TCF7L2: variants seen among roughly 807,000 people sequenced by gnomAD.
TCF7L2 encodes the protein transcription factor 7 like 2, also known as transcription factor 7-like 2.
A neutral mutation model predicts 77.9 loss-of-function variants in TCF7L2; 23 were observed. The ratio of observed to expected loss-of-function variants is 0.30; its 90% CI spans 0.21 to 0.42. TCF7L2 has a LOEUF of 0.42. Ranked by LOEUF, TCF7L2 falls within the 10% of genes least tolerant of loss-of-function variation. The probability of loss-of-function intolerance (pLI) is 1.00; values close to 1 mark genes in which losing one functional copy is unlikely to be tolerated. For missense variants in TCF7L2, 654 were observed against 793.1 expected (o/e 0.82, Z 2.11); for synonymous variants, 413 against 340.2 (o/e 1.21, Z -2.36).
chr10:113,082,753 C>T (rs1199865911), intron 5 of TCF7L2, among the ~76,000 whole-genome samples: 1 of 152,046 alleles, frequency 6.6e-6, no homozygotes, highest in African/African-American at 2.4e-5. Flanking sequence ...AGTCAAGGTC[C>T]TAACAAACCC....
intron 8 of TCF7L2, among the ~76,000 whole-genome samples, chr10:113,149,636 C>T (rs551876192): frequency 6.6e-6 from 1 of 152,308 alleles, no homozygotes; most frequent in Admixed American, 6.5e-5. Context: ...TAAATACATA[C>T]AGAATCATTT....
chr10:112,955,048 A>G (rs1416095448), intron 3 of TCF7L2, among the ~76,000 whole-genome samples: 1 of 152,104 alleles, frequency 6.6e-6, no homozygotes, highest in East Asian at 1.9e-4. Context: ...AAAGATTTAG[A>G]CCTTGGAGTG....
At chr10:113,051,593 A>G (rs968987516) in intron 5 of TCF7L2, among the ~76,000 whole-genome samples, 1 of 152,216 alleles carries the variant, frequency 6.6e-6, no homozygotes, top group Non-Finnish European at 1.5e-5. Flanking sequence ...CTTTAAGAAC[A>G]GGTTGGTTTG....
At position 113,164,583 on chromosome 10, in the gene TCF7L2, A is replaced by C. The variant is rs529863591; in HGVS notation, c.1392-972A>C. Among the ~76,000 whole-genome samples, 410 of 142,008 alleles carry C rather than the reference A, an allele frequency of 2.9e-3. 2 individuals are homozygous for C. The highest frequency in any genetic ancestry group is 9.8e-3 in the African/African-American group (394 of 40,112). 93.2% of individuals were successfully genotyped at this position (142,008 alleles called of 152,430 possible). On this transcript the variant is annotated intron_variant, in intron 13 of 13. Coordinates refer to ENST00000627217, the MANE Select transcript of TCF7L2 (RefSeq NM_001146274.2). Reference sequence around the variant, plus strand: ...TCTCACTACGGGGTGGGGGAGGGGAAAGCCCCAAATCTTAAAAAAAAAAAA... The same window carrying C: ...TCTCACTACGGGGTGGGGGAGGGGACAGCCCCAAATCTTAAAAAAAAAAAA...
chr10:113,120,891 T>G (rs1453387582), intron 5 of TCF7L2, among the ~76,000 whole-genome samples: 2 of 152,234 alleles, frequency 1.3e-5, no homozygotes, highest in Admixed American at 1.3e-4. Flanking sequence ...TAATGTCTGA[T>G]GGTGTCACCT....
At chr10:112,960,821 G>A (rs1186262822) in intron 3 of TCF7L2, among the ~76,000 whole-genome samples, 1 of 151,862 alleles carries the variant, frequency 6.6e-6, no homozygotes, top group Non-Finnish European at 1.5e-5. Flanking sequence ...CCGAGTAGCT[G>A]GGATTATAGG....
chr10:113,121,335 A>C (rs2064737533), intron 5 of TCF7L2, among the ~76,000 whole-genome samples: 1 of 152,180 alleles, frequency 6.6e-6, no homozygotes, highest in Non-Finnish European at 1.5e-5. Flanking sequence ...CTGACTTTTC[A>C]TGACAACATG....
chr10:113,028,152 CAG>C (rs1418467651), intron 4 of TCF7L2, among the ~76,000 whole-genome samples: 2 of 152,176 alleles, frequency 1.3e-5, no homozygotes, highest in African/African-American at 4.8e-5. Flanking sequence ...GGATTACCAA[CAG>C]GGGGAACAAC....
At chr10:113,050,869 A>G (rs1486972133) in intron 5 of TCF7L2, among the ~76,000 whole-genome samples, 2 of 152,150 alleles carry the variant, frequency 1.3e-5, no homozygotes, top group African/African-American at 4.8e-5. Context: ...GGCCATTATT[A>G]TGCTTTTTTC....
At chr10:113,079,541 T>C (rs537685017) in intron 5 of TCF7L2, among the ~76,000 whole-genome samples, 1 of 152,328 alleles carries the variant, frequency 6.6e-6, no homozygotes, top group African/African-American at 2.4e-5. Flanking sequence ...TGTTTCACTT[T>C]ACAAAGTGGG....
At chr10:113,016,196 C>G (rs770194950) in intron 4 of TCF7L2, among the ~76,000 whole-genome samples, 3 of 151,866 alleles carry the variant, frequency 2.0e-5, no homozygotes, top group Non-Finnish European at 4.4e-5. Flanking sequence ...TCCTGAGTAG[C>G]TGGGATTACA....
chr10:113,118,854 A>G (rs545222403), intron 5 of TCF7L2, among the ~76,000 whole-genome samples: 13 of 152,146 alleles, frequency 8.5e-5, no homozygotes, highest in African/African-American at 3.1e-4. Flanking sequence ...TAAAAAAACA[A>G]TTTCTAGGCA....
At chr10:112,983,646 G>A (rs1159675296) in intron 4 of TCF7L2, among the ~76,000 whole-genome samples, 1 of 152,188 alleles carries the variant, frequency 6.6e-6, no homozygotes, top group African/African-American at 2.4e-5. Context: ...TGTAATAAGC[G>A]TGTAACAGCC....
intron 5 of TCF7L2, among the ~76,000 whole-genome samples, chr10:113,090,599 T>C (rs1253762744): frequency 6.6e-6 from 1 of 152,192 alleles, no homozygotes; most frequent in East Asian, 1.9e-4. Flanking sequence ...TATACTCTTA[T>C]TACCTATTGA....
At chr10:113,152,736 G>A (rs1017755024) in intron 11 of TCF7L2, among the ~76,000 whole-genome samples, 3 of 152,162 alleles carry the variant, frequency 2.0e-5, no homozygotes, top group African/African-American at 7.2e-5. Flanking sequence ...TTCTAGAGGA[G>A]GCAAGGCTCT....
At chr10:113,158,761 T>C (rs1425792688) in intron 12 of TCF7L2, 44 bp downstream of exon 13, 18 of 1,587,036 alleles carry the variant, frequency 1.1e-5, no homozygotes, top group Non-Finnish European at 1.5e-5. Context: ...GATAAACTGT[T>C]TTTTAATTTT....
intron 5 of TCF7L2, among the ~76,000 whole-genome samples, chr10:113,079,649 C>T (rs918132666): frequency 2.6e-5 from 4 of 152,106 alleles, no homozygotes; most frequent in African/African-American, 7.2e-5. Context: ...CTTATTCTGG[C>T]AGATGGACCC....
At chr10:113,095,268 C>T (rs1290678215) in intron 5 of TCF7L2, among the ~76,000 whole-genome samples, 6 of 152,176 alleles carry the variant, frequency 3.9e-5, no homozygotes, top group East Asian at 3.9e-4. Flanking sequence ...ATCATTGCTT[C>T]GCATGTATAG....
chr10:113,165,306 G>C (rs570193324), intron 13 of TCF7L2, among the ~76,000 whole-genome samples: 2 of 152,184 alleles, frequency 1.3e-5, no homozygotes, highest in Non-Finnish European at 1.5e-5. Flanking sequence ...TTTAGTAGGG[G>C]TTGGGGGAAG....
Sources: gnomAD v4.1 joint callset for allele counts (sites outside exome capture counted in the v4.1 genomes callset) on GRCh38, gnomAD v4.1.1 for gene constraint, MANE v1.5 for transcripts, NCBI Gene and HGNC (gene_info 2026-07-23, HGNC 2026-07-21) for gene names.